The following TMEM132D variants were observed in gnomAD, a reference collection of about 807,000 sequenced individuals.
TMEM132D encodes mature OL transmembrane protein.
In TMEM132D, 21 loss-of-function variants were observed where a neutral mutation model predicts 62.3. The ratio of observed to expected loss-of-function variants is 0.34; its 90% CI spans 0.24 to 0.49. The LOEUF (loss-of-function observed/expected upper bound fraction) is 0.49, where lower values mean the gene tolerates loss of function less well. Ranked by LOEUF, TMEM132D falls within the 20% of genes least tolerant of loss-of-function variation. TMEM132D has a pLI of 0.99. For missense variants in TMEM132D, 1,346 were observed against 1,402.8 expected (o/e 0.96, Z 0.65); for synonymous variants, 621 against 575.6 (o/e 1.08, Z -1.13).
intron 2 of TMEM132D, among the ~76,000 whole-genome samples, chr12:129,563,969 C>CTGT (rs1877304949): frequency 6.6e-6 from 1 of 152,174 alleles, no homozygotes; most frequent in African/African-American, 2.4e-5. Context: ...GAATCAAACT[C>CTGT]CTGGCTGATA....
At chr12:129,293,187 G>T (rs537398641) in intron 4 of TMEM132D, among the ~76,000 whole-genome samples, 1 of 152,130 alleles carries the variant, frequency 6.6e-6, no homozygotes, top group Admixed American at 6.5e-5. Flanking sequence ...GTGCCCAGGA[G>T]TATTGCAGAA....
chr12:129,085,314 G>A (rs983040160), intron 5 of TMEM132D: 33 of 152,766 alleles, frequency 2.2e-4, no homozygotes, highest in African/African-American at 7.5e-4. Flanking sequence ...CTGCAGGCAC[G>A]GGGTGGATTC....
chr12:129,449,013 A>G (rs891568964), intron 3 of TMEM132D, among the ~76,000 whole-genome samples: 2 of 152,218 alleles, frequency 1.3e-5, no homozygotes, highest in Admixed American at 6.5e-5. Flanking sequence ...TCAGTAGTGA[A>G]TAAGATAACG....
At chr12:129,166,318 C>A in intron 5 of TMEM132D, among the ~76,000 whole-genome samples, 1 of 152,002 alleles carries the variant, frequency 6.6e-6, no homozygotes, top group East Asian at 1.9e-4. Context: ...TCTAAAGGGC[C>A]ACATATGTTT....
intron 4 of TMEM132D, among the ~76,000 whole-genome samples, chr12:129,305,533 A>G (rs775745821): frequency 7.2e-5 from 11 of 152,232 alleles, no homozygotes; most frequent in Non-Finnish European, 1.5e-4. Flanking sequence ...AATTAGAAAA[A>G]GAAGTGGCCT....
intron 3 of TMEM132D, among the ~76,000 whole-genome samples, chr12:129,499,868 A>G (rs1000986423): frequency 2.6e-5 from 4 of 152,170 alleles, no homozygotes; most frequent in African/African-American, 9.7e-5. Flanking sequence ...CCTCCAACAC[A>G]TACTCTGAGC....
At chr12:129,617,736 C>T (rs1231437963) in intron 2 of TMEM132D, among the ~76,000 whole-genome samples, 1 of 152,118 alleles carries the variant, frequency 6.6e-6, no homozygotes, top group Non-Finnish European at 1.5e-5. Flanking sequence ...TGCATCCTCT[C>T]CTGGTGGAAG....
At chr12:129,760,323 C>CT (rs71082753) in intron 1 of TMEM132D, among the ~76,000 whole-genome samples, 11,393 of 114,456 alleles carry the variant, frequency 0.1, 1,593 homozygotes, top group East Asian at 0.16. Flanking sequence ...AAGCCACTTT[C>CT]TTTTTTTTTT....
intron 2 of TMEM132D, among the ~76,000 whole-genome samples, chr12:129,577,190 A>T (rs1227050080): frequency 6.6e-6 from 1 of 151,798 alleles, no homozygotes; most frequent in African/African-American, 2.4e-5. Context: ...TTTACTGGAG[A>T]TGAACTGCCC....
At chr12:129,141,987 T>C (rs953036052) in intron 5 of TMEM132D, among the ~76,000 whole-genome samples, 2 of 148,134 alleles carry the variant, frequency 1.4e-5, no homozygotes, top group Non-Finnish European at 3.0e-5. Context: ...TATTAGATAA[T>C]ATATAACAAT....
intron 3 of TMEM132D, among the ~76,000 whole-genome samples, chr12:129,382,282 G>GT (rs1341307808): frequency 2.4e-4 from 36 of 152,154 alleles, no homozygotes; most frequent in Non-Finnish European, 5.0e-4. Flanking sequence ...ATGTGTCACA[G>GT]TTTTTTTAGC....
At chr12:129,276,851 T>C (rs1255731741) in intron 4 of TMEM132D, among the ~76,000 whole-genome samples, 1 of 152,218 alleles carries the variant, frequency 6.6e-6, no homozygotes, top group African/African-American at 2.4e-5. Context: ...TTTATTGTTC[T>C]TACATTATGC....
chr12:129,095,931 T>G (rs1875101498), intron 5 of TMEM132D, among the ~76,000 whole-genome samples: 1 of 152,116 alleles, frequency 6.6e-6, no homozygotes, highest in Non-Finnish European at 1.5e-5. Flanking sequence ...AGTCAGCCAT[T>G]CAGTCCCTAG....
intron 1 of TMEM132D, among the ~76,000 whole-genome samples, chr12:129,801,225 G>GGCCT (rs1046207917): frequency 3.9e-5 from 6 of 152,214 alleles, no homozygotes; most frequent in Admixed American, 1.3e-4. Flanking sequence ...AGCTCAAGGA[G>GGCCT]GCCTGCCTGC....
intron 1 of TMEM132D, among the ~76,000 whole-genome samples, chr12:129,757,680 CA>C (rs1272989121): frequency 6.6e-6 from 1 of 152,156 alleles, no homozygotes; most frequent in Non-Finnish European, 1.5e-5. Context: ...CAGCCACCTC[CA>C]AAAGGGTTTC....
At chr12:129,446,187 A>G (rs1255973351) in intron 3 of TMEM132D, among the ~76,000 whole-genome samples, 1 of 152,110 alleles carries the variant, frequency 6.6e-6, no homozygotes, top group Non-Finnish European at 1.5e-5. Flanking sequence ...AGCTGGTGGA[A>G]CTGGGTGGTC....
chr12:129,148,010 C>T lies in TMEM132D; in HGVS notation c.1443+61510G>A, dbSNP rs190394798. On this transcript the variant is annotated intron_variant, in intron 5 of 8. Transcript: ENST00000422113. Reference sequence around the variant, plus strand: ...GAGCCCATGCGCTTAAACAGGATGCCATGGTTTCCTTCCTTCTCCCAGGTA... The same window carrying T: ...GAGCCCATGCGCTTAAACAGGATGCTATGGTTTCCTTCCTTCTCCCAGGTA... Among the ~76,000 whole-genome samples the T allele has an allele frequency of 6.6e-5, 10 of 152,322 alleles. No homozygotes were observed. The East Asian group carries it at 1.9e-3, about 29-fold the overall frequency.
In TMEM132D at chr12:129,427,110, A is replaced by G. The variant is rs150868243; in HGVS notation, c.1116-89293T>C. Among the ~76,000 whole-genome samples, 329 of 152,320 alleles carry G rather than the reference A, an allele frequency of 2.2e-3. 2 individuals carry two copies. The highest frequency in any genetic ancestry group is 6.6e-3 in the African/African-American group (273 of 41,574). On this transcript the variant is annotated intron_variant, in intron 3 of 8. Transcript: ENST00000422113. ...CATGCTGGATGATCCTTGTCTTGTC[A>G]GTGCTCAAATATACTCTTGTTTGCA... is the stretch of plus-strand genomic sequence containing the variant.
At chr12:129,348,149 A>T (rs550654068) in intron 3 of TMEM132D, among the ~76,000 whole-genome samples, 1 of 152,314 alleles carries the variant, frequency 6.6e-6, no homozygotes, top group African/African-American at 2.4e-5. Flanking sequence ...CAGTGTGGCG[A>T]TTCCCCAAGG....
Sources: gnomAD v4.1 joint callset for allele counts (sites outside exome capture counted in the v4.1 genomes callset) on GRCh38, gnomAD v4.1.1 for gene constraint, MANE v1.5 for transcripts, NCBI Gene and HGNC (gene_info 2026-07-23, HGNC 2026-07-21) for gene names.